TLL1: variants seen among roughly 807,000 people sequenced by gnomAD.
The protein encoded by TLL1 is tolloid-like protein 1.
Under a neutral mutation model 128.2 loss-of-function variants are expected in TLL1, and 49 were observed. The ratio of observed to expected loss-of-function variants is 0.38; its 90% confidence interval spans 0.30 to 0.48. The LOEUF (loss-of-function observed/expected upper bound fraction) is 0.48, where lower values mean the gene tolerates loss of function less well. Ranked by LOEUF, TLL1 falls within the 20% of genes least tolerant of loss-of-function variation. The probability of loss-of-function intolerance (pLI) is 0.96; values close to 1 mark genes in which losing one functional copy is unlikely to be tolerated. For synonymous variants in TLL1, 454 were observed against 418.8 expected (o/e 1.08, Z -1.03); for missense variants, 1,123 against 1,242.0 (o/e 0.90, Z 1.44).
chr4:166,039,509 T>G, intron 10 of TLL1, 68 bp downstream of exon 10: 1 of 1,114,578 alleles, frequency 9.0e-7, no homozygotes, highest in Non-Finnish European at 1.4e-6. Context: ...ACCAACCGAT[T>G]CTCTCAAGAG....
At chr4:166,073,650 G>A (rs1740890702) in intron 16 of TLL1, among the ~76,000 whole-genome samples, 1 of 152,058 alleles carries the variant, frequency 6.6e-6, no homozygotes, top group South Asian at 2.1e-4. Context: ...TTCAGATATT[G>A]CCAATGCATT....
At chr4:165,931,649 G>T (rs1163288097) in intron 1 of TLL1, among the ~76,000 whole-genome samples, 4 of 151,282 alleles carry the variant, frequency 2.6e-5, no homozygotes. Context: ...AACCAGGGAG[G>T]TGGAGCTTGC....
At chr4:165,951,340 G>A (rs1277919021) in intron 1 of TLL1, among the ~76,000 whole-genome samples, 1 of 152,116 alleles carries the variant, frequency 6.6e-6, no homozygotes, top group Non-Finnish European at 1.5e-5. Context: ...GCCAGATGAT[G>A]TCTGGGCAGT....
rs757759670 is a variant in TLL1 at position 165,997,996 on chromosome 4, T to G, written c.632+2818T>G. On this transcript the variant is annotated intron_variant, in intron 5 of 20. Coordinates refer to ENST00000061240, the MANE Select transcript of TLL1 (RefSeq NM_012464.5). ...TACAACAGTATGAGAGAACTCTGGT[T>G]GTAGCTGATTAGCAGGCTGCTCATC... Among the ~76,000 whole-genome samples the G allele has an allele frequency of 4.7e-4, 72 of 152,214 alleles. 1 individual carries two copies. Among genetic ancestry groups the G allele is most frequent in the Non-Finnish European group, 5.7e-4 (39 of 68,030 alleles).
In TLL1 at chr4:166,043,260, T is replaced by G. The variant is rs1382441299; in HGVS notation, c.1379-14T>G. ...CCAGGCTTAGTTATTTGTTTATTTT[T>G]TGGCTTTCTTCAGCGATCTGTGGAG... is the stretch of plus-strand genomic sequence containing the variant. On this transcript the variant is annotated splice_polypyrimidine_tract_variant and intron_variant, in intron 11 of 20. Transcript: ENST00000061240. 5.0e-6 allele frequency: 8 copies of G among 1,613,928 alleles called. No individual in the cohort carries two copies. Among genetic ancestry groups the G allele is most frequent in the East Asian group, 4.5e-5 (2 of 44,868 alleles).
At chr4:166,082,738 C>T (rs145640642) in intron 18 of TLL1, among the ~76,000 whole-genome samples, 2,664 of 152,094 alleles carry the variant, frequency 0.018, 85 homozygotes, top group African/African-American at 0.059. Flanking sequence ...AGAGCAATGG[C>T]GCAATCTCAG....
chr4:165,902,303 A>C (rs1326308845), intron 1 of TLL1, among the ~76,000 whole-genome samples: 4 of 147,742 alleles, frequency 2.7e-5, no homozygotes, highest in African/African-American at 1.0e-4. Context: ...AAAAAAAAAC[A>C]AAAAAACAAA....
chr4:166,055,221 T>C lies in TLL1; in HGVS notation c.1670T>C (p.Val557Ala), dbSNP rs1459933466. 1.9e-6 allele frequency: 3 copies of C among 1,613,638 alleles called. No individual in the cohort carries two copies. Among genetic ancestry groups the C allele is most frequent in the Non-Finnish European group, 1.7e-6 (2 of 1,179,828 alleles). ...TCCAATACTTTGTGGATGAAGTTTG[T>C]TTCTGACGGAACTGTGAACAAAGCA... ...STSNTLWMKFVSDGTVNKAGF... is the reference protein window; with the variant it reads ...STSNTLWMKFASDGTVNKAGF... The change falls in exon 13 of 21, where the codon GTT (valine) becomes GCT (alanine). Residue 557 changes from valine to alanine, a missense_variant. Around this residue, in one of 3 missense-constraint regions of TLL1, gnomAD observed 634 missense variants for 672.4 expected, o/e 0.94. Transcript: ENST00000061240.
intron 1 of TLL1, among the ~76,000 whole-genome samples, chr4:165,914,203 C>T (rs145661820): frequency 1.3e-5 from 2 of 151,996 alleles, no homozygotes; most frequent in East Asian, 1.9e-4. Flanking sequence ...TCTCTATTAG[C>T]GTGTGAAAAA....
intron 1 of TLL1, among the ~76,000 whole-genome samples, chr4:165,936,019 C>CT (rs942715333): frequency 2.3e-4 from 34 of 145,090 alleles, no homozygotes; most frequent in Non-Finnish European, 3.0e-4. Flanking sequence ...CTGGTTTTAA[C>CT]TTTTTTTTTT....
At chr4:165,983,238 T>C (rs759591189) in intron 1 of TLL1, among the ~76,000 whole-genome samples, 6 of 151,868 alleles carry the variant, frequency 4.0e-5, no homozygotes, top group Non-Finnish European at 5.9e-5. Context: ...AGAAATCCTA[T>C]CCGCAGACAT....
At chr4:166,027,978 A>T (rs1227907559) in intron 9 of TLL1, among the ~76,000 whole-genome samples, 2 of 152,124 alleles carry the variant, frequency 1.3e-5, no homozygotes, top group Non-Finnish European at 2.9e-5. Flanking sequence ...AATATTATTT[A>T]TGACGATTAG....
In TLL1 at chr4:165,991,516, G is replaced by A. The variant is rs141512795; in HGVS notation, c.281-1288G>A. On this transcript the variant is annotated intron_variant, in intron 2 of 20. Transcript: ENST00000061240. ...TGTGCAATGAAAAAATTTCAAAAAT[G>A]TTTCTCAAGATGCACAGCAAAAATG... is the stretch of plus-strand genomic sequence containing the variant. Among the ~76,000 whole-genome samples, 1,088 of 152,000 alleles carry A rather than the reference G, an allele frequency of 7.2e-3. 10 individuals are homozygous for A. Among genetic ancestry groups the A allele is most frequent in the African/African-American group, 0.023 (958 of 41,528 alleles).
At chr4:165,968,502 A>G (rs1443080092) in intron 1 of TLL1, among the ~76,000 whole-genome samples, 1 of 152,138 alleles carries the variant, frequency 6.6e-6, no homozygotes, top group Non-Finnish European at 1.5e-5. Context: ...CCACTATTCT[A>G]TAGAGTAAGG....
At chr4:166,088,516 G>A (rs1741621873) in intron 18 of TLL1, among the ~76,000 whole-genome samples, 1 of 152,024 alleles carries the variant, frequency 6.6e-6, no homozygotes, top group African/African-American at 2.4e-5. Context: ...CTGTGAATTA[G>A]TCACACCTTT....
intron 1 of TLL1, among the ~76,000 whole-genome samples, chr4:165,938,700 G>T (rs967466683): frequency 6.6e-6 from 1 of 151,418 alleles, no homozygotes; most frequent in African/African-American, 2.4e-5. Flanking sequence ...GTGCTTATTT[G>T]CAGCCAGTCC....
chr4:166,066,482 C>A lies in TLL1; in HGVS notation c.2188+619C>A, dbSNP rs576347984. ...ATCTCAGAATCATGCTTTATAAAAA[C>A]ATTATTTTGAAACTTCCAAAGTAGA... On this transcript the variant is annotated intron_variant, in intron 16 of 20. Transcript: ENST00000061240. 2.6e-5 allele frequency among the ~76,000 whole-genome samples: 4 copies of A among 151,788 alleles called. No individual in the cohort carries two copies. The South Asian group carries it at 8.3e-4, about 31-fold the overall frequency.
At chr4:165,951,005 G>T (rs1008475780) in intron 1 of TLL1, among the ~76,000 whole-genome samples, 2 of 151,970 alleles carry the variant, frequency 1.3e-5, no homozygotes, top group African/African-American at 4.8e-5. Flanking sequence ...CATTGATAAA[G>T]TTCTAACCAG....
intron 1 of TLL1, among the ~76,000 whole-genome samples, chr4:165,974,783 C>T (rs1456735786): frequency 6.6e-6 from 1 of 152,202 alleles, no homozygotes; most frequent in Non-Finnish European, 1.5e-5. Flanking sequence ...ATGGGATTCT[C>T]ATTGCCAGCT....
Sources: gnomAD v4.1 joint callset for allele counts (sites outside exome capture counted in the v4.1 genomes callset) on GRCh38, gnomAD v4.1.1 for gene constraint, gnomAD v4.1.1 regional missense constraint, MANE v1.5 for transcripts, NCBI Gene and HGNC (gene_info 2026-07-23, HGNC 2026-07-21) for gene names.